FARS2: variants seen among roughly 807,000 people sequenced by gnomAD.
The protein encoded by FARS2 is phenylalanine--tRNA ligase, mitochondrial.
FARS2 carries 40 observed loss-of-function variants against 46.4 expected under a neutral mutation model. That is an observed-to-expected ratio of 0.86 (90% confidence interval 0.67 to 1.12). FARS2 has a LOEUF of 1.12. Ranked by LOEUF, FARS2 falls within the 50% of genes most tolerant of loss-of-function variation. The probability of loss-of-function intolerance (pLI) is 0.00; values close to 1 mark genes in which losing one functional copy is unlikely to be tolerated. For synonymous variants in FARS2, 234 were observed against 214.9 expected (o/e 1.09, Z -0.78); for missense variants, 513 against 567.9 (o/e 0.90, Z 0.98).
intron 6 of FARS2, among the ~76,000 whole-genome samples, chr6:5,751,348 T>C (rs1308998228): frequency 6.6e-6 from 1 of 152,154 alleles, no homozygotes; most frequent in Non-Finnish European, 1.5e-5. Context: ...ACTTGATGGC[T>C]GTTGAAATAA....
intron 1 of FARS2, among the ~76,000 whole-genome samples, chr6:5,303,630 G>A (rs1466415165): frequency 1.3e-5 from 2 of 151,918 alleles, no homozygotes; most frequent in Non-Finnish European, 2.9e-5. Context: ...TTCTCTGAAA[G>A]TGAAAAGTTG....
intron 5 of FARS2, among the ~76,000 whole-genome samples, chr6:5,604,356 C>A (rs1180306097): frequency 6.6e-6 from 1 of 152,108 alleles, no homozygotes; most frequent in Non-Finnish European, 1.5e-5. Flanking sequence ...TTGTTGATGT[C>A]TTGGAGTCAC....
At chr6:5,553,031 C>T (rs144477185) in intron 5 of FARS2, among the ~76,000 whole-genome samples, 1 of 152,284 alleles carries the variant, frequency 6.6e-6, no homozygotes, top group African/African-American at 2.4e-5. Context: ...GAAAATTACT[C>T]AACATTGTAC....
chr6:5,429,008 A>G (rs1297932487), intron 3 of FARS2, among the ~76,000 whole-genome samples: 1 of 152,238 alleles, frequency 6.6e-6, no homozygotes, highest in Non-Finnish European at 1.5e-5. Context: ...TCATTTTTAT[A>G]AAATTCTAGG....
At chr6:5,513,332 G>A (rs952228117) in intron 4 of FARS2, among the ~76,000 whole-genome samples, 1 of 152,168 alleles carries the variant, frequency 6.6e-6, no homozygotes, top group African/African-American at 2.4e-5. Flanking sequence ...CTTGAGCAGT[G>A]CCTGACATGT....
chr6:5,386,603 T>C (rs1311145541), intron 2 of FARS2, among the ~76,000 whole-genome samples: 7 of 152,096 alleles, frequency 4.6e-5, no homozygotes, highest in Non-Finnish European at 7.4e-5. Context: ...GCAGGGATGA[T>C]CGATAAGAAA....
At chr6:5,735,508 G>T (rs1289284679) in intron 6 of FARS2, among the ~76,000 whole-genome samples, 1 of 152,132 alleles carries the variant, frequency 6.6e-6, no homozygotes, top group Non-Finnish European at 1.5e-5. Context: ...TTGACCTCTC[G>T]GGGCCTCCGT....
chr6:5,771,070 C>T (rs1167551203), intron 6 of FARS2, among the ~76,000 whole-genome samples: 3 of 152,208 alleles, frequency 2.0e-5, no homozygotes, highest in Admixed American at 1.3e-4. Flanking sequence ...ATACATCCAC[C>T]CCAGTGGAAA....
chr6:5,413,753 TTG>T (rs1233884866), intron 3 of FARS2, among the ~76,000 whole-genome samples: 3 of 152,232 alleles, frequency 2.0e-5, no homozygotes, highest in Non-Finnish European at 4.4e-5. Flanking sequence ...CAGCTCAGAT[TTG>T]CCACCTTAGC....
rs191830940 is a variant in FARS2, at chr6:5,706,127, G to A, written c.1218-65164G>A. Among the ~76,000 whole-genome samples, 16 of 152,242 alleles carry A rather than the reference G, an allele frequency of 1.1e-4. No individual in the cohort carries two copies. In the East Asian group the frequency reaches 3.1e-3, roughly 29 times the overall value. ...ATCATCAGGCATCAGATTCTCATAAGGAGCACACGAGCTAGATCCCTCGCC... is the reference window on the plus strand; with the variant it reads ...ATCATCAGGCATCAGATTCTCATAAAGAGCACACGAGCTAGATCCCTCGCC... On this transcript the variant is annotated intron_variant, in intron 6 of 6. Transcript: ENST00000274680.
chr6:5,706,382 A>G (rs1561812252), intron 6 of FARS2, among the ~76,000 whole-genome samples: 2 of 152,182 alleles, frequency 1.3e-5, no homozygotes, highest in South Asian at 4.1e-4. Flanking sequence ...GATCACCATC[A>G]TGATTCTCCC....
intron 5 of FARS2, among the ~76,000 whole-genome samples, chr6:5,564,397 A>T (rs1186921089): frequency 6.6e-6 from 1 of 152,236 alleles, no homozygotes; most frequent in Non-Finnish European, 1.5e-5. Context: ...GTATTGATTC[A>T]CATTTTTATG....
At chr6:5,258,923 T>C (rs1764805572), upstream of FARS2, among the ~76,000 whole-genome samples, 1 of 152,356 alleles carries the variant, frequency 6.6e-6, no homozygotes, top group Admixed American at 6.5e-5. Context: ...GATTTTCCTG[T>C]TCAGTTGGCA....
chr6:5,609,131 C>G (rs1582573278), intron 5 of FARS2: 1 of 697,776 alleles, frequency 1.4e-6, no homozygotes, highest in East Asian at 2.8e-5. Flanking sequence ...TAGGCCCTGC[C>G]ACCACTGTGC....
intron 4 of FARS2, among the ~76,000 whole-genome samples, chr6:5,541,470 A>T (rs560391638): frequency 5.4e-4 from 83 of 152,320 alleles, no homozygotes; most frequent in Non-Finnish European, 1.0e-3. Context: ...CTTATGTCCT[A>T]CCAATCTGTT....
At chr6:5,557,392 G>A (rs1020644646) in intron 5 of FARS2, among the ~76,000 whole-genome samples, 1 of 152,182 alleles carries the variant, frequency 6.6e-6, no homozygotes, top group Non-Finnish European at 1.5e-5. Flanking sequence ...TCTAGAGACA[G>A]AAAATGGAGC....
intron 4 of FARS2, among the ~76,000 whole-genome samples, chr6:5,464,673 A>T (rs967929491): frequency 6.6e-6 from 1 of 152,280 alleles, no homozygotes; most frequent in East Asian, 1.9e-4. Flanking sequence ...CTGGGACCAC[A>T]TACAGTATTT....
intron 2 of FARS2, among the ~76,000 whole-genome samples, chr6:5,399,402 C>G (rs150265119): frequency 3.9e-5 from 6 of 152,148 alleles, no homozygotes; most frequent in African/African-American, 1.2e-4. Context: ...TCTTGAACTC[C>G]TGACCTCAAG....
At chr6:5,744,101 G>C (rs942647486) in intron 6 of FARS2, among the ~76,000 whole-genome samples, 1 of 152,214 alleles carries the variant, frequency 6.6e-6, no homozygotes, top group African/African-American at 2.4e-5. Context: ...AGTGGTTTGT[G>C]AGGGGAAGGT....
Sources: gnomAD v4.1 joint callset for allele counts (sites outside exome capture counted in the v4.1 genomes callset) on GRCh38, gnomAD v4.1.1 for gene constraint, MANE v1.5 for transcripts, NCBI Gene and HGNC (gene_info 2026-07-23, HGNC 2026-07-21) for gene names.